The following MYH6 variants were observed in gnomAD, a reference collection of about 807,000 sequenced individuals.
MYH6 encodes the protein myosin heavy chain 6, also known as myosin-6.
Under a neutral mutation model 223.2 loss-of-function variants are expected in MYH6, and 126 were observed. The ratio of observed to expected loss-of-function variants is 0.56; its 90% CI spans 0.49 to 0.65. The LOEUF is 0.65. Ranked by LOEUF, MYH6 falls within the 30% of genes least tolerant of loss-of-function variation. The pLI, the probability that MYH6 is intolerant of heterozygous loss-of-function variation, is 0.00. For synonymous variants in MYH6, 978 were observed against 1,010.2 expected (o/e 0.97, Z 0.61); for missense variants, 2,040 against 2,536.4 (o/e 0.80, Z 4.20).
intron 20 of MYH6, among the ~76,000 whole-genome samples, chr14:23,395,813 C>T (rs1891376679): frequency 6.6e-6 from 1 of 152,100 alleles, no homozygotes; most frequent in Admixed American, 6.5e-5. Flanking sequence ...CAGGCATGAG[C>T]CACCGCGCCT....
chr14:23,388,131 C>T, intron 30 of MYH6, 24 bp downstream of exon 30: 1 of 1,612,242 alleles, frequency 6.2e-7, no homozygotes, highest in Non-Finnish European at 8.5e-7. Context: ...TGCATGCTGG[C>T]TGCGGCCCCC....
chr14:23,383,339 G>GGGCCCCCCCCCC lies in MYH6; in HGVS notation c.5566-20_5566-19insGGGGGGGGGGCC. The GGGCCCCCCCCCC allele has an allele frequency of 2.8e-5, 3 of 108,190 alleles. No individual in the cohort carries two copies. The highest frequency in any genetic ancestry group is 5.5e-5 in the Non-Finnish European group (3 of 54,376). The allele number at this position is 108,190 out of a possible 1,614,324, so 6.7% of individuals were successfully genotyped here. A position where few individuals can be genotyped will look rare whatever the true frequency, so the allele number is the denominator to read the frequency against. On this transcript the variant is annotated intron_variant, in intron 36 of 38. Coordinates refer to ENST00000405093, the MANE Select transcript of MYH6 (RefSeq NM_002471.4). ...CCTCTGTCTGGGGGTGGGAGGGTGG[G>GGGCCCCCCCCCC]AGAAGCTGGTTTGGAGGGGGAGCAA...
At chr14:23,402,315 T>C (rs1891626020) in intron 12 of MYH6, 149 bp downstream of exon 12, 4 of 1,240,986 alleles carry the variant, frequency 3.2e-6, no homozygotes, top group South Asian at 2.8e-5. Context: ...GGACTCTCTG[T>C]CTGCCCACGT....
chr14:23,388,649 C>T, intron 29 of MYH6: 1 of 919,510 alleles, frequency 1.1e-6, no homozygotes, highest in Non-Finnish European at 1.8e-6. Context: ...ATAACCCGGG[C>T]CAAAAGCTCG....
At chr14:23,391,219 G>A (rs923603914) in intron 25 of MYH6, among the ~76,000 whole-genome samples, 14 of 152,154 alleles carry the variant, frequency 9.2e-5, no homozygotes, top group African/African-American at 1.9e-4. Context: ...CCTTCACCTC[G>A]GGTTATGGAC....
chr14:23,406,706 T>TGCAAGAAG (rs1215971125), intron 3 of MYH6, among the ~76,000 whole-genome samples: 1 of 152,190 alleles, frequency 6.6e-6, no homozygotes, highest in Non-Finnish European at 1.5e-5. Flanking sequence ...GGGATACAAG[T>TGCAAGAAG]GCAAGAAGGG....
rs202120238 is a variant in MYH6 at position 23,396,330 on chromosome 14, G to A, written c.2383C>T (p.Arg795Trp). 258 of 1,614,090 alleles carry A rather than the reference G, an allele frequency of 1.6e-4. No individual in the cohort carries two copies. Among genetic ancestry groups the A allele is most frequent in the Non-Finnish European group, 2.1e-4 (246 of 1,180,024 alleles). ...RIITRMQAQARGQLMRIEFKK... is the reference protein window; with the variant it reads ...RIITRMQAQAWGQLMRIEFKK... ...AACTCAATGCGCATGAGCTGGCCCC[G>A]GGCTTGGGCCTGCATGCGCGTGATG... The change falls in exon 20 of 39, where the codon CGG becomes TGG. Residue 795 changes from arginine to tryptophan, a missense_variant. Transcript: ENST00000405093.
intron 1 of MYH6, 125 bp downstream of exon 1, chr14:23,408,128 A>C (rs1359579781): frequency 1.7e-6 from 1 of 580,910 alleles, no homozygotes; most frequent in East Asian, 1.4e-4. Context: ...GCCTGGAGAT[A>C]GGCAGTTTTA....
chr14:23,393,809 C>G lies in MYH6; in HGVS notation c.2785G>C (p.Glu929Gln), dbSNP rs1555333987. The G allele has an allele frequency of 6.2e-7, 1 of 1,614,134 alleles. No homozygotes were observed. The highest frequency in any genetic ancestry group is 8.5e-7 in the Non-Finnish European group (1 of 1,180,060). The change falls in exon 22 of 39, where the codon GAG (glutamate) becomes CAG (glutamine). Residue 929 changes from glutamate to glutamine, a missense_variant. By Grantham distance (29) the Glu-to-Gln change is conservative. Around this residue, in one of 4 missense-constraint regions of MYH6, gnomAD observed 1,203 missense variants for 1,400.2 expected, o/e 0.86. Transcript: ENST00000405093. Reference sequence around the variant, plus strand: ...TCCGCGTTCATCTCCTCCTCATCCTCCAGCCTCTCATTCATCTCCTTTACT... The same window carrying G: ...TCCGCGTTCATCTCCTCCTCATCCTGCAGCCTCTCATTCATCTCCTTTACT... ...AKVKEMNERL[E>Q]DEEEMNAELT...
rs1891812021 is a variant in MYH6 at position 23,407,082 on chromosome 14, T to G, written c.142A>C (p.Lys48Gln). The change falls in exon 3 of 39, where the codon AAA becomes CAA. Residue 48 changes from lysine to glutamine, a missense_variant. This residue lies in a region of MYH6 where 184 missense variants were observed against 232.4 expected (regional missense o/e 0.79). Transcript: ENST00000405093. The surrounding 1 kb of genome is among the most constrained non-coding windows in gnomAD (Gnocchi z 5.6). ...FVPDDKEEFVKAKILSREGGK... is the reference protein window; with the variant it reads ...FVPDDKEEFVQAKILSREGGK... ...CCCTCCCGGGACAAAATCTTGGCTTTGACAAACTCTTCCTTGTCATCGGGC... is the reference window on the plus strand; with the variant it reads ...CCCTCCCGGGACAAAATCTTGGCTTGGACAAACTCTTCCTTGTCATCGGGC... 6.2e-7 allele frequency: 1 copy of G among 1,614,122 alleles called. No homozygotes were observed. Among genetic ancestry groups the G allele is most frequent in the African/African-American group, 1.3e-5 (1 of 74,942 alleles).
Position 23,407,253 on chromosome 14 carries a change from A to G in MYH6, c.-13-17T>C. ...GTGCTTCCCCTGGGTCAGAGACAGG[A>G]GGGCTATGTTACTCCTGAGGGAGCC... On this transcript the variant is annotated splice_polypyrimidine_tract_variant and intron_variant, in intron 2 of 38. Transcript: ENST00000405093. This position sits in a 1 kb window ranked among gnomAD's most constrained non-coding sequence, Gnocchi z 5.6. 2 of 1,613,810 alleles carry G rather than the reference A, an allele frequency of 1.2e-6. No individual in the cohort carries two copies. The highest frequency in any genetic ancestry group is 1.7e-6 in the Non-Finnish European group (2 of 1,179,930).
Position 23,388,926 on chromosome 14 carries a change from C to T in MYH6, c.4108G>A (p.Val1370Met). 1.9e-6 allele frequency: 3 copies of T among 1,613,838 alleles called. No homozygotes were observed. Among genetic ancestry groups the T allele is most frequent in the South Asian group, 1.1e-5 (1 of 91,058 alleles). The change falls in exon 29 of 39, where the codon GTG becomes ATG. Residue 1370 changes from valine to methionine, a missense_variant. Val to Met is a conservative substitution (Grantham distance 21, BLOSUM62 1). Around this residue, in one of 4 missense-constraint regions of MYH6, gnomAD observed 1,203 missense variants for 1,400.2 expected, o/e 0.86. Coordinates refer to ENST00000405093, the MANE Select transcript of MYH6 (RefSeq NM_002471.4). ...TCATACTTGGTCCTCCACTGGGCCA[C>T]CTCCGAGTTGGCCTTGGACAGGACG... Reference protein sequence around the residue: ...QRVLSKANSEVAQWRTKYETD... With the variant: ...QRVLSKANSEMAQWRTKYETD...
chr14:23,407,370 C>T lies in MYH6; in HGVS notation c.-13-134G>A, dbSNP rs1891823762. ...TGGGAGAGGCACCTGCTGTTGCACC[C>T]TCCCCTACTCAGGGCTCTGCTTCTC... On this transcript the variant is annotated intron_variant, in intron 2 of 38. Coordinates refer to ENST00000405093, the MANE Select transcript of MYH6 (RefSeq NM_002471.4). This position sits in a 1 kb window ranked among gnomAD's most constrained non-coding sequence, Gnocchi z 5.6. 2 of 1,155,728 alleles carry T rather than the reference C, an allele frequency of 1.7e-6. No homozygotes were observed. Among genetic ancestry groups the T allele is most frequent in the Admixed American group, 2.0e-5 (1 of 49,570 alleles). The allele number at this position is 1,155,728 out of a possible 1,614,324, so 71.6% of individuals were successfully genotyped here.
At chr14:23,384,131 G>A (rs1890943240) in intron 36 of MYH6, among the ~76,000 whole-genome samples, 1 of 151,232 alleles carries the variant, frequency 6.6e-6, no homozygotes, top group South Asian at 2.1e-4. Context: ...CCCCACAGTC[G>A]AAGGTGGAAG....
In MYH6 at chr14:23,387,873, C is replaced by T. The variant is rs772235343; in HGVS notation, c.4410G>A (p.Glu1470=). The T allele has an allele frequency of 8.1e-6, 13 of 1,614,116 alleles. No homozygotes were observed. Among genetic ancestry groups the T allele is most frequent in the Non-Finnish European group, 1.0e-5 (12 of 1,180,026 alleles). The stretch of plus-strand genomic sequence containing the variant: ...GGGAGCGAGCCTCCTTCTGTGAGGA[C>T]TCCAGCTCAGACTGCGACTCCTCAT... ...QKYEESQSEL[E]SSQKEARSLS... The change falls in exon 31 of 39, where the codon GAG becomes GAA. Residue 1470 remains glutamate (E), a synonymous_variant. Transcript: ENST00000405093.
chr14:23,389,072 G>GGCGGGGGGGGGC lies in MYH6; in HGVS notation c.3979-18_3979-17insGCCCCCCCCCGC. On this transcript the variant is annotated splice_polypyrimidine_tract_variant and intron_variant, in intron 28 of 38. Coordinates refer to ENST00000405093, the MANE Select transcript of MYH6 (RefSeq NM_002471.4). ...GTTCTTCGCCTGGGGAGGGGGGGGG[G>GGCGGGGGGGGGC]CACCAGGAGGTGGGAGGGACTCCCT... The GGCGGGGGGGGGC allele has an allele frequency of 8.8e-7, 1 of 1,135,198 alleles. No homozygotes were observed. The highest frequency in any genetic ancestry group is 1.3e-6 in the Non-Finnish European group (1 of 774,176). 70.3% of individuals were successfully genotyped at this position (1,135,198 alleles called of 1,614,324 possible).
intron 25 of MYH6, among the ~76,000 whole-genome samples, chr14:23,391,194 G>T (rs1337437763): frequency 6.6e-6 from 1 of 152,156 alleles, no homozygotes; most frequent in East Asian, 1.9e-4. Context: ...GCAAAACGGG[G>T]GTTCAGTGGA....
Position 23,389,364 on chromosome 14 carries a change from G to C in MYH6, c.3978+29C>G, listed in dbSNP as rs1225272889. 1.9e-6 allele frequency: 3 copies of C among 1,608,834 alleles called. No individual in the cohort carries two copies. The East Asian group carries it at 6.7e-5, about 36-fold the overall frequency. ...TGAATTGCCCCAGGGCTGCCATCAA[G>C]CCTGCCCACCCTCCCCACTGGGCCT... is the stretch of plus-strand genomic sequence containing the variant. On this transcript the variant is annotated intron_variant, in intron 28 of 38. Coordinates refer to ENST00000405093, the MANE Select transcript of MYH6 (RefSeq NM_002471.4).
At chr14:23,388,380 G>A (rs1358870434) in intron 29 of MYH6, 42 bp from the exon 30 acceptor site, 4 of 1,609,188 alleles carry the variant, frequency 2.5e-6, no homozygotes. Flanking sequence ...GACTCTACTG[G>A]GCAACACTGG....
Sources: gnomAD v4.1 joint callset for allele counts (sites outside exome capture counted in the v4.1 genomes callset) on GRCh38, gnomAD v4.1.1 for gene constraint, gnomAD v4.1.1 regional missense constraint, Gnocchi (gnomAD v3.1) non-coding constraint, MANE v1.5 for transcripts, NCBI Gene and HGNC (gene_info 2026-07-23, HGNC 2026-07-21) for gene names.